The following BDP1 variants were observed in gnomAD, a reference collection of about 807,000 sequenced individuals.
BDP1 encodes BDP1 general transcription factor IIIB subunit.
A neutral mutation model predicts 266.6 loss-of-function variants in BDP1; 169 were observed. The ratio of observed to expected loss-of-function variants is 0.63; its 90% CI spans 0.56 to 0.72. The LOEUF (loss-of-function observed/expected upper bound fraction) is 0.72, where lower values mean the gene tolerates loss of function less well. Among genes scored for constraint, BDP1 ranks in the 30% least tolerant of loss-of-function variants. BDP1 has a pLI of 0.00. For missense variants in BDP1, 3,015 were observed against 3,053.8 expected (o/e 0.99, Z 0.30); for synonymous variants, 1,090 against 1,022.4 (o/e 1.07, Z -1.26).
At chr5:71,576,495 G>A in the BDP1 span, among the ~76,000 whole-genome samples, 1 of 152,186 alleles carries the variant, frequency 6.6e-6, no homozygotes, top group Non-Finnish European at 1.5e-5. Flanking sequence ...AATGTAACCG[G>A]TGTGCTAACC....
chr5:71,483,017 A>G lies in BDP1; in HGVS notation c.1015-825A>G, dbSNP rs1001008807. ...GGAAATACAAGAAAGTGATTGCTTT[A>G]CAAGTCATATTAGTGGTTAAGTTCT... On this transcript the variant is annotated intron_variant, in intron 7 of 38. Coordinates refer to ENST00000358731, the MANE Select transcript of BDP1 (RefSeq NM_018429.3). Among the ~76,000 whole-genome samples the G allele has an allele frequency of 3.3e-5, 5 of 152,268 alleles. No individual in the cohort carries two copies. The East Asian group carries it at 7.7e-4, about 23-fold the overall frequency.
chr5:71,553,380 C>A (rs143904487), intron 35 of BDP1, 60 bp downstream of exon 35: 1 of 1,147,972 alleles, frequency 8.7e-7, no homozygotes, highest in Non-Finnish European at 1.3e-6. Context: ...CATATTGCAA[C>A]AGATCTGTTC....
chr5:71,522,353 A>G lies in BDP1; in HGVS notation c.5056A>G (p.Lys1686Glu), dbSNP rs1765537660. Residue 1686 changes from lysine (K) to glutamate (E), a missense_variant, in exon 23 of 39, where the codon AAG (lysine) becomes GAG (glutamate). By Grantham distance (56) the Lys-to-Glu change is moderately conservative. Coordinates refer to ENST00000358731, the MANE Select transcript of BDP1 (RefSeq NM_018429.3). ...QMTRRKFQKA[K>E]PNLGRAHSKK... is the part of the protein sequence containing the mutation. ...GACAAGAAGGAAATTCCAAAAGGCT[A>G]AGCCAAATTTGGGAAGAGCACACAG... is the stretch of plus-strand genomic sequence containing the variant. 3 of 1,613,426 alleles carry G rather than the reference A, an allele frequency of 1.9e-6. No individual in the cohort carries two copies. Among genetic ancestry groups the G allele is most frequent in the Non-Finnish European group, 1.7e-6 (2 of 1,179,422 alleles).
chr5:71,483,727 T>C (rs1486074749), intron 7 of BDP1, 115 bp from the exon 8 acceptor site: 3 of 740,282 alleles, frequency 4.1e-6, no homozygotes, highest in South Asian at 1.7e-5. Flanking sequence ...CAAAGACATA[T>C]TAAGTAGAGA....
At chr5:71,529,449 T>C (rs1203724922) in intron 25 of BDP1, among the ~76,000 whole-genome samples, 3 of 152,162 alleles carry the variant, frequency 2.0e-5, no homozygotes, top group South Asian at 2.1e-4. Flanking sequence ...CCCAGTGCTT[T>C]GGGAGGTTGA....
chr5:71,459,961 GA>G (rs1241780389), intron 2 of BDP1, among the ~76,000 whole-genome samples: 1 of 152,200 alleles, frequency 6.6e-6, no homozygotes, highest in Non-Finnish European at 1.5e-5. Context: ...TCAAAAATGT[GA>G]AAAAATCCAA....
downstream of BDP1, among the ~76,000 whole-genome samples, chr5:71,572,506 G>A (rs1424320753): frequency 6.6e-6 from 1 of 152,198 alleles, no homozygotes; most frequent in Non-Finnish European, 1.5e-5. Flanking sequence ...TAAGGTCAGT[G>A]CCCTAAAAAG....
intron 11 of BDP1, among the ~76,000 whole-genome samples, chr5:71,493,189 G>A (rs1402338913): frequency 6.6e-6 from 1 of 152,198 alleles, no homozygotes; most frequent in Non-Finnish European, 1.5e-5. Flanking sequence ...ATAATCTAAA[G>A]TGTGAGTTCA....
intron 25 of BDP1, among the ~76,000 whole-genome samples, chr5:71,530,780 TTATAAC>T: frequency 6.6e-6 from 1 of 152,202 alleles, no homozygotes; most frequent in Non-Finnish European, 1.5e-5. Context: ...ACAAATGTAA[TTATAAC>T]AAATATGTTG....
At chr5:71,475,402 G>C (rs888101125) in intron 7 of BDP1, among the ~76,000 whole-genome samples, 6 of 152,230 alleles carry the variant, frequency 3.9e-5, no homozygotes, top group African/African-American at 1.4e-4. Context: ...GAGCCACTGT[G>C]CCTGGCCCTT....
chr5:71,466,024 T>G, intron 4 of BDP1, 72 bp from the exon 5 acceptor site: 1 of 1,478,426 alleles, frequency 6.8e-7, no homozygotes, highest in Non-Finnish European at 9.2e-7. Context: ...TGTAATCATT[T>G]ATTTTAAGTT....
intron 34 of BDP1, among the ~76,000 whole-genome samples, chr5:71,551,938 G>A: frequency 6.7e-6 from 1 of 150,326 alleles, no homozygotes; most frequent in African/African-American, 2.4e-5. Context: ...CGGGGCGGCT[G>A]GCCGGGCGGG....
chr5:71,537,437 A>G (rs1347066585), intron 26 of BDP1, among the ~76,000 whole-genome samples: 4 of 152,194 alleles, frequency 2.6e-5, no homozygotes, highest in African/African-American at 9.6e-5. Flanking sequence ...AAATGTTTCT[A>G]GAGTTACTAA....
rs990507634 is a variant in BDP1 at position 71,476,877 on chromosome 5, G to A, written c.1014+6388G>A. 3.3e-5 allele frequency among the ~76,000 whole-genome samples: 5 copies of A among 152,048 alleles called. No homozygotes were observed. The East Asian group carries it at 5.8e-4, about 18-fold the overall frequency. ...CGCCACCACGCCTGGCTAATTTTTCGTATTTTTAGTAGAGACGGGGTTTCA... is the reference window on the plus strand; with the variant it reads ...CGCCACCACGCCTGGCTAATTTTTCATATTTTTAGTAGAGACGGGGTTTCA... On this transcript the variant is annotated intron_variant, in intron 7 of 38. Transcript: ENST00000358731.
At position 71,458,595 on chromosome 5, in the gene BDP1, G is replaced by A. The variant is rs778348575; in HGVS notation, c.229G>A (p.Gly77Ser). Residue 77 changes from glycine (G) to serine (S), a missense_variant, in exon 2 of 39, where the codon GGT becomes AGT. Around this residue, in one of 3 missense-constraint regions of BDP1, gnomAD observed 2,383 missense variants for 2,404.9 expected, o/e 0.99. Coordinates refer to ENST00000358731, the MANE Select transcript of BDP1 (RefSeq NM_018429.3). ...APRSSTEKTG[G>S]DNDVEESSRS... ...TTTCAACAGTACTGAAAAGACTGGT[G>A]GTGACAATGATGTTGAAGAATCCAG... 1 of 1,611,460 alleles carries A rather than the reference G, an allele frequency of 6.2e-7. No individual in the cohort carries two copies. Among genetic ancestry groups the A allele is most frequent in the Non-Finnish European group, 8.5e-7 (1 of 1,178,504 alleles).
chr5:71,458,991 T>C, intron 2 of BDP1, 136 bp downstream of exon 2: 1 of 749,036 alleles, frequency 1.3e-6, no homozygotes, highest in African/African-American at 1.8e-5. Flanking sequence ...GAACATCCCT[T>C]CTTGTTAATG....
chr5:71,461,953 T>C, intron 3 of BDP1, 27 bp downstream of exon 3: 1 of 870,844 alleles, frequency 1.1e-6, no homozygotes, highest in Non-Finnish European at 1.9e-6. Context: ...TCTGCTTTAC[T>C]ATCTCTTTTT....
chr5:71,470,563 A>T, intron 7 of BDP1, 74 bp downstream of exon 7: 1 of 969,676 alleles, frequency 1.0e-6, no homozygotes, highest in Non-Finnish European at 1.6e-6. Flanking sequence ...TTATTCGCTT[A>T]CCTTTGGTTT....
chr5:71,557,886 C>G (rs569841717), intron 36 of BDP1, among the ~76,000 whole-genome samples: 15 of 152,154 alleles, frequency 9.9e-5, no homozygotes, highest in Admixed American at 8.5e-4. Context: ...TAGTTTAGTT[C>G]TAGAGATTTT....
Sources: gnomAD v4.1 joint callset for allele counts (sites outside exome capture counted in the v4.1 genomes callset) on GRCh38, gnomAD v4.1.1 for gene constraint, gnomAD v4.1.1 regional missense constraint, MANE v1.5 for transcripts, NCBI Gene and HGNC (gene_info 2026-07-23, HGNC 2026-07-21) for gene names.